COMMD8: variants seen among roughly 807,000 people sequenced by gnomAD.
COMMD8 encodes COMM domain containing 8, also known as COMM domain-containing protein 8.
COMMD8 carries 28 observed loss-of-function variants against 27.2 expected under a neutral mutation model. That is an observed-to-expected ratio of 1.03 (90% CI 0.76 to 1.41). COMMD8 has a LOEUF of 1.41. COMMD8 is among the 40% of genes most tolerant of loss of function. The pLI is 0.00. For missense variants in COMMD8, 217 were observed against 211.2 expected (o/e 1.03, Z -0.17); for synonymous variants, 79 against 75.5 (o/e 1.05, Z -0.24).
chr4:47,453,071 T>C lies in COMMD8; in HGVS notation c.519A>G (p.Glu173=). ...EELQNLIQSL[E]AANKVVLQLK ...TTATAGCAAATACCTTATTCGCTGC[T>C]TCCAAGGACTGTATTAGATTCTGCA... is the stretch of plus-strand genomic sequence containing the variant. Residue 173 remains glutamate (E), a synonymous_variant, in exon 4 of 5, where the codon GAA becomes GAG. Coordinates refer to ENST00000381571, the MANE Select transcript of COMMD8 (RefSeq NM_017845.5). The C allele has an allele frequency of 6.2e-7, 1 of 1,602,908 alleles. No individual in the cohort carries two copies. The highest frequency in any genetic ancestry group is 8.5e-7 in the Non-Finnish European group (1 of 1,176,014).
In COMMD8 at chr4:47,451,513, A is replaced by T; in HGVS notation, c.*132T>A. On this transcript the variant is annotated 3_prime_UTR_variant, in exon 5 of 5. Transcript: ENST00000381571. ...ATGTTGATAAATTTTTATCTTTATAATATCAATATTGCTGCTTTCTCAGCC... is the reference window on the plus strand; with the variant it reads ...ATGTTGATAAATTTTTATCTTTATATTATCAATATTGCTGCTTTCTCAGCC... 1.5e-6 allele frequency: 1 copy of T among 679,720 alleles called. No individual in the cohort carries two copies. The highest frequency in any genetic ancestry group is 1.7e-5 in the South Asian group (1 of 57,520). The allele number at this position is 679,720 out of a possible 1,614,324, so 42.1% of individuals were successfully genotyped here. A position where few individuals can be genotyped will look rare whatever the true frequency, so the allele number is the denominator to read the frequency against.
intron 2 of COMMD8, among the ~76,000 whole-genome samples, chr4:47,456,945 C>T (rs1019909948): frequency 6.6e-6 from 1 of 152,168 alleles, no homozygotes; most frequent in African/African-American, 2.4e-5. Flanking sequence ...ATGGAAGCAG[C>T]AGCATGGAAA....
intron 1 of COMMD8, among the ~76,000 whole-genome samples, chr4:47,461,823 G>C (rs1034307168): frequency 6.6e-6 from 1 of 152,060 alleles, no homozygotes; most frequent in Admixed American, 6.6e-5. Flanking sequence ...AATAAATAAG[G>C]CCCTACCATA....
At chr4:47,456,267 C>CAT (rs34279197) in intron 3 of COMMD8, among the ~76,000 whole-genome samples, 15,328 of 118,216 alleles carry the variant, frequency 0.13, 950 homozygotes, top group Non-Finnish European at 0.16. Flanking sequence ...ATAAATTATA[C>CAT]ATATATATAT....
At chr4:47,454,656 G>A (rs1017542461) in intron 3 of COMMD8, among the ~76,000 whole-genome samples, 2 of 151,852 alleles carry the variant, frequency 1.3e-5, no homozygotes, top group Middle Eastern at 3.2e-3. Flanking sequence ...ACCTGAGGTC[G>A]GGAGTTCTAG....
At chr4:47,461,163 AATT>A (rs1367819464) in intron 1 of COMMD8, among the ~76,000 whole-genome samples, 2 of 152,208 alleles carry the variant, frequency 1.3e-5, no homozygotes, top group African/African-American at 4.8e-5. Context: ...TTACCATTCT[AATT>A]ATTATCACTA....
intron 3 of COMMD8, among the ~76,000 whole-genome samples, chr4:47,453,484 G>A (rs1164938338): frequency 6.6e-6 from 1 of 152,154 alleles, no homozygotes; most frequent in East Asian, 1.9e-4. Flanking sequence ...TCAGAGTCAT[G>A]CCTGGGAAGT....
intron 2 of COMMD8, among the ~76,000 whole-genome samples, chr4:47,458,294 A>G (rs1729941376): frequency 6.6e-6 from 1 of 152,082 alleles, no homozygotes; most frequent in Non-Finnish European, 1.5e-5. Context: ...AAAATAAATG[A>G]AAGATGTTAA....
At chr4:47,458,199 G>C (rs1270152861) in intron 2 of COMMD8, among the ~76,000 whole-genome samples, 1 of 151,944 alleles carries the variant, frequency 6.6e-6, no homozygotes. Flanking sequence ...TTCTCCCTAA[G>C]GTTAGGAATA....
chr4:47,459,971 C>A (rs985098408), intron 2 of COMMD8, 173 bp downstream of exon 2: 7 of 484,278 alleles, frequency 1.4e-5, no homozygotes, highest in Non-Finnish European at 2.1e-5. Flanking sequence ...AGAGTAAAAA[C>A]AACCAAAAAC....
In COMMD8 at chr4:47,456,558, C is replaced by T. The variant is rs930665970; in HGVS notation, c.375+19G>A. Reference sequence around the variant, plus strand: ...TCCAAAAAATGAAATAAAAAATACACATACTCATAGACTCTTACCTTTACC... The same window carrying T: ...TCCAAAAAATGAAATAAAAAATACATATACTCATAGACTCTTACCTTTACC... On this transcript the variant is annotated intron_variant, in intron 3 of 4. Transcript: ENST00000381571. 2.6e-6 allele frequency: 4 copies of T among 1,533,108 alleles called. No homozygotes were observed. The African/African-American group carries it at 4.3e-5, about 16-fold the overall frequency. The allele number at this position is 1,533,108 out of a possible 1,614,324, so 95.0% of individuals were successfully genotyped here. A position where few individuals can be genotyped will look rare whatever the true frequency, so the allele number is the denominator to read the frequency against.
chr4:47,451,576 C>A lies in COMMD8; in HGVS notation c.*69G>T. 8.4e-7 allele frequency: 1 copy of A among 1,185,954 alleles called. No homozygotes were observed. The highest frequency in any genetic ancestry group is 1.2e-5 in the South Asian group (1 of 81,210). 73.5% of individuals were successfully genotyped at this position (1,185,954 alleles called of 1,614,324 possible). ...CAAGACATCACAAGGTTTCTGAACA[C>A]GCAGTATTCACTCTGCCATATAAGT... On this transcript the variant is annotated 3_prime_UTR_variant, in exon 5 of 5. Coordinates refer to ENST00000381571, the MANE Select transcript of COMMD8 (RefSeq NM_017845.5).
chr4:47,457,492 C>A lies in COMMD8; in HGVS notation c.223-763G>T, dbSNP rs558461615. Among the ~76,000 whole-genome samples, 30 of 152,222 alleles carry A rather than the reference C, an allele frequency of 2.0e-4. No homozygotes were observed. The South Asian group carries it at 6.0e-3, about 30-fold the overall frequency. ...AATTGAAAAAATGCATTCTACCTAACCTTAGCAATATATAGAATACTACAC... is the reference window on the plus strand; with the variant it reads ...AATTGAAAAAATGCATTCTACCTAAACTTAGCAATATATAGAATACTACAC... On this transcript the variant is annotated intron_variant, in intron 2 of 4. Coordinates refer to ENST00000381571, the MANE Select transcript of COMMD8 (RefSeq NM_017845.5).
At chr4:47,452,958 T>G in intron 4 of COMMD8, 101 bp downstream of exon 4, 1 of 1,010,382 alleles carries the variant, frequency 9.9e-7, no homozygotes. Context: ...TTCGCGCCGT[T>G]GCCCCTCCAG....
chr4:47,461,624 T>C (rs1290095347), intron 1 of COMMD8, among the ~76,000 whole-genome samples: 2 of 152,212 alleles, frequency 1.3e-5, no homozygotes, highest in East Asian at 3.8e-4. Flanking sequence ...ATCCCAGTTA[T>C]TAAATAAAGT....
At chr4:47,457,676 GTAACC>G (rs1729929535) in intron 2 of COMMD8, among the ~76,000 whole-genome samples, 1 of 151,798 alleles carries the variant, frequency 6.6e-6, no homozygotes, top group Admixed American at 6.6e-5. Context: ...ATGAGAAAAG[GTAACC>G]AAAAAATTTC....
chr4:47,459,563 A>T (rs1173762691), intron 2 of COMMD8, among the ~76,000 whole-genome samples: 1 of 152,182 alleles, frequency 6.6e-6, no homozygotes, highest in East Asian at 1.9e-4. Flanking sequence ...CTATCATCAA[A>T]TACTACAAGG....
chr4:47,463,697 T>A lies in COMMD8; in HGVS notation c.-46A>T, dbSNP rs892927025. The A allele has an allele frequency of 6.6e-6, 10 of 1,515,380 alleles. No homozygotes were observed. The highest frequency in any genetic ancestry group is 5.6e-5 in the African/African-American group (4 of 71,014). 93.9% of individuals were successfully genotyped at this position (1,515,380 alleles called of 1,614,324 possible). ...TGGGTCACGTGTCAAGGCTGGCCGC[T>A]TGTCTAAAGCTACGACTCGCCCACG... is the stretch of plus-strand genomic sequence containing the variant. On this transcript the variant is annotated 5_prime_UTR_variant, in exon 1 of 5. The change creates a new upstream start codon in the 5' untranslated region. Transcript: ENST00000381571.
intron 2 of COMMD8, among the ~76,000 whole-genome samples, chr4:47,459,023 C>T (rs750308286): frequency 4.6e-5 from 7 of 152,004 alleles, no homozygotes; most frequent in South Asian, 2.1e-4. Context: ...GCATCAGTAA[C>T]ATAATGTGAA....
Sources: gnomAD v4.1 joint callset for allele counts (sites outside exome capture counted in the v4.1 genomes callset) on GRCh38, gnomAD v4.1.1 for gene constraint, MANE v1.5 for transcripts, NCBI Gene and HGNC (gene_info 2026-07-23, HGNC 2026-07-21) for gene names.